The following BRD3 variants were observed in gnomAD, a reference collection of about 807,000 sequenced individuals.
The protein encoded by BRD3 is bromodomain containing 3.
BRD3 carries 17 observed loss-of-function variants against 66.8 expected under a neutral mutation model. The ratio of observed to expected loss-of-function variants is 0.25; its 90% CI spans 0.17 to 0.38. BRD3 has a LOEUF of 0.38. Ranked by LOEUF, BRD3 falls within the 10% of genes least tolerant of loss-of-function variation. BRD3 has a pLI of 1.00. For missense variants in BRD3, 713 were observed against 956.1 expected (o/e 0.75, Z 3.35); for synonymous variants, 421 against 393.2 (o/e 1.07, Z -0.84).
chr9:134,051,530 C>A (rs2132426457), intron 4 of BRD3, 32 bp downstream of exon 4: 1 of 1,498,734 alleles, frequency 6.7e-7, no homozygotes, highest in South Asian at 1.4e-5. Flanking sequence ...TGCAGAGAGG[C>A]CCAGCCCCTC....
rs201025736 is a variant in BRD3, at chr9:134,040,145, T to A, written c.1532A>T (p.His511Leu). 18 of 1,564,432 alleles carry A rather than the reference T, an allele frequency of 1.2e-5. No individual in the cohort carries two copies. Among genetic ancestry groups the A allele is most frequent in the Non-Finnish European group, 1.4e-5 (16 of 1,154,970 alleles). ...KKDKEKEKEKHKVKAEEEKKA... is the reference protein window; with the variant it reads ...KKDKEKEKEKLKVKAEEEKKA... ...CTTCTCTTCCTCGGCCTTCACTTTGTGCTTCTCCTTCTCCTTCTCCTTGTC... is the reference window on the plus strand; with the variant it reads ...CTTCTCTTCCTCGGCCTTCACTTTGAGCTTCTCCTTCTCCTTCTCCTTGTC... Residue 511 changes from histidine to leucine, a missense_variant, in exon 9 of 12, where the codon CAC becomes CTC. By Grantham distance (99) the His-to-Leu change is moderately conservative (BLOSUM62 -3). Around this residue, in one of 5 missense-constraint regions of BRD3, gnomAD observed 418 missense variants for 609.3 expected, o/e 0.69. Transcript: ENST00000303407.
intron 1 of BRD3, among the ~76,000 whole-genome samples, chr9:134,054,724 G>C (rs371996398): frequency 2.4e-4 from 37 of 152,312 alleles, no homozygotes; most frequent in African/African-American, 6.3e-4. Flanking sequence ...ACTAGGGGAA[G>C]TTTGTGAGCT....
intron 10 of BRD3, among the ~76,000 whole-genome samples, chr9:134,035,263 T>C (rs1843581887): frequency 6.6e-6 from 1 of 152,108 alleles, no homozygotes; most frequent in Admixed American, 6.5e-5. Context: ...AGTCGCTCCC[T>C]CCAAGTTGAC....
intron 7 of BRD3, among the ~76,000 whole-genome samples, chr9:134,044,975 C>T (rs465724): frequency 0.34 from 52,414 of 152,042 alleles, 9,561 homozygotes; most frequent in East Asian, 0.63. Flanking sequence ...TCAGGGAAGC[C>T]GCAAGAGAAA....
At chr9:134,068,091 G>A (rs1215674576), upstream of BRD3, 1 of 143,712 alleles carries the variant, frequency 7.0e-6, no homozygotes, top group Non-Finnish European at 1.5e-5. Flanking sequence ...GTCGTAGTCC[G>A]CGGCCGGGCC....
chr9:134,053,576 C>A lies in BRD3; in HGVS notation c.-99G>T, dbSNP rs1004167143. 1 of 1,447,832 alleles carries A rather than the reference C, an allele frequency of 6.9e-7. No individual in the cohort carries two copies. The allele number at this position is 1,447,832 out of a possible 1,614,324, so 89.7% of individuals were successfully genotyped here. Reference sequence around the variant, plus strand: ...AAAGCGCGACGTCCCATTTCCGGGCCCAACCAGGCGACAGCTGCAGAGGAG... The same window carrying A: ...AAAGCGCGACGTCCCATTTCCGGGCACAACCAGGCGACAGCTGCAGAGGAG... On this transcript the variant is annotated 5_prime_UTR_variant, in exon 2 of 12. Transcript: ENST00000303407.
At chr9:134,066,143 C>T (rs1830646940) in intron 1 of BRD3, among the ~76,000 whole-genome samples, 1 of 152,194 alleles carries the variant, frequency 6.6e-6, no homozygotes, top group African/African-American at 2.4e-5. Context: ...GATGTCCCAA[C>T]GGCAGGGCTC....
chr9:134,043,415 C>A (rs1016954154), intron 7 of BRD3, among the ~76,000 whole-genome samples: 1 of 152,220 alleles, frequency 6.6e-6, no homozygotes, highest in African/African-American at 2.4e-5. Flanking sequence ...GGGGAGATTT[C>A]TTTTTGCCAA....
At chr9:134,067,871 C>A in intron 1 of BRD3, 74 bp downstream of exon 1, 1 of 144,636 alleles carries the variant, frequency 6.9e-6, no homozygotes, top group South Asian at 2.0e-4. Context: ...CCGCGCTCCC[C>A]GGCCCAGCCC....
chr9:134,050,523 T>G lies in BRD3; in HGVS notation c.565A>C (p.Thr189Pro). 6.2e-7 allele frequency: 1 copy of G among 1,603,284 alleles called. No individual in the cohort carries two copies. The highest frequency in any genetic ancestry group is 1.7e-5 in the Admixed American group (1 of 59,294). Residue 189 changes from threonine to proline, a missense_variant, in exon 5 of 12, where the codon ACC (threonine) becomes CCC (proline). This residue lies in a region of BRD3 where 120 missense variants were observed against 122.8 expected (regional missense o/e 0.98). Transcript: ENST00000303407. ...GCGATGACGGGCGTCTGGGAGACGG[T>G]GGGGGGCACGCTCTGAAAGGGGGTC... is the stretch of plus-strand genomic sequence containing the variant. The part of the protein sequence containing the change: ...PATPFQSVPP[T>P]VSQTPVIAAT...
At position 134,051,786 on chromosome 9, in the gene BRD3, C is replaced by CA. The variant is rs547717442; in HGVS notation, c.352-78dup. On this transcript the variant is annotated intron_variant, in intron 3 of 11. Transcript: ENST00000303407. ...GCAAAGGACATTATTAGTTGTAGCTCAAAAAAATATTTAAAATTTGTTAAC... is the reference window on the plus strand; with the variant it reads ...GCAAAGGACATTATTAGTTGTAGCTCAAAAAAAATATTTAAAATTTGTTAAC... 8.2e-5 allele frequency: 120 copies of CA among 1,455,542 alleles called. 1 individual carries two copies. In the East Asian group the frequency reaches 2.3e-3, roughly 28 times the overall value. 90.2% of individuals were successfully genotyped at this position (1,455,542 alleles called of 1,614,324 possible). A position where few individuals can be genotyped will look rare whatever the true frequency, so the allele number is the denominator to read the frequency against.
intron 1 of BRD3, among the ~76,000 whole-genome samples, chr9:134,055,061 T>TCTC (rs1276165512): frequency 1.3e-4 from 20 of 152,134 alleles, no homozygotes; most frequent in African/African-American, 4.6e-4. Context: ...CCTCTCCACC[T>TCTC]CACCGACCCG....
chr9:134,061,501 A>T (rs748301098), intron 1 of BRD3, among the ~76,000 whole-genome samples: 2 of 152,138 alleles, frequency 1.3e-5, no homozygotes, highest in Non-Finnish European at 2.9e-5. Flanking sequence ...CACTGGAACC[A>T]AGGGTGGGGG....
intron 7 of BRD3, 84 bp from the exon 8 acceptor site, chr9:134,042,035 C>T: frequency 7.2e-7 from 1 of 1,391,818 alleles, no homozygotes; most frequent in Non-Finnish European, 9.5e-7. Flanking sequence ...TTCTGAGGTG[C>T]CCCTGAGGCA....
chr9:134,068,515 C>A (rs868077664), upstream of BRD3: 1 of 150,504 alleles, frequency 6.6e-6, no homozygotes, highest in African/African-American at 2.4e-5. Flanking sequence ...TGTAAACAAA[C>A]CGCGCGCCTA....
At chr9:134,040,866 A>AGCTG (rs1830029769) in intron 8 of BRD3, among the ~76,000 whole-genome samples, 1 of 152,226 alleles carries the variant, frequency 6.6e-6, no homozygotes, top group Non-Finnish European at 1.5e-5. Context: ...GCCTCCCTGC[A>AGCTG]GCTGGCATTG....
intron 10 of BRD3, 27 bp downstream of exon 10, chr9:134,036,005 G>A: frequency 6.4e-7 from 1 of 1,562,986 alleles, no homozygotes; most frequent in Non-Finnish European, 8.7e-7. Context: ...GGAACTTCAA[G>A]CACCACGCTC....
intron 7 of BRD3, among the ~76,000 whole-genome samples, chr9:134,042,716 TATATACAC>T (rs1564550620): frequency 6.7e-6 from 1 of 149,240 alleles, no homozygotes; most frequent in Non-Finnish European, 1.5e-5. Context: ...TATATACACA[TATATACAC>T]ATATATATAC....
At chr9:134,052,672 C>T (rs1229786963) in intron 2 of BRD3, among the ~76,000 whole-genome samples, 2 of 152,174 alleles carry the variant, frequency 1.3e-5, no homozygotes, top group Non-Finnish European at 2.9e-5. Context: ...GAGGAGCCCA[C>T]GGAGTTAGGG....
Sources: gnomAD v4.1 joint callset for allele counts (sites outside exome capture counted in the v4.1 genomes callset) on GRCh38, gnomAD v4.1.1 for gene constraint, gnomAD v4.1.1 regional missense constraint, MANE v1.5 for transcripts, NCBI Gene and HGNC (gene_info 2026-07-23, HGNC 2026-07-21) for gene names.